Variants in ADAMTS6 observed in about 807,000 individuals in gnomAD.
ADAMTS6 encodes the protein A disintegrin and metalloproteinase with thrombospondin motifs 6.
Under a neutral mutation model 144.3 loss-of-function variants are expected in ADAMTS6, and 23 were observed. That is an observed-to-expected ratio of 0.16 (90% CI 0.11 to 0.23). The LOEUF (loss-of-function observed/expected upper bound fraction) is 0.23. ADAMTS6 is among the 10% of genes least tolerant of loss of function. The pLI, the probability that ADAMTS6 is intolerant of heterozygous loss-of-function variation, is 1.00. For synonymous variants in ADAMTS6, 444 were observed against 457.5 expected, an observed-to-expected ratio of 0.97 and a Z score of 0.38; for missense variants, 999 against 1,379.6, an observed-to-expected ratio of 0.72 and a Z score of 4.37.
chr5:65,299,854 G>C, intron 10 of ADAMTS6, 131 bp downstream of exon 10: 1 of 984,244 alleles, frequency 1.0e-6, no homozygotes, highest in Non-Finnish European at 1.4e-6. Context: ...AAAGTATTTA[G>C]GAAAAAGTTG....
intron 7 of ADAMTS6, among the ~76,000 whole-genome samples, chr5:65,397,213 C>A (rs888091240): frequency 6.6e-6 from 1 of 151,978 alleles, no homozygotes; most frequent in African/African-American, 2.4e-5. Flanking sequence ...TAGTAATCTG[C>A]GTCTTTTTTT....
intron 13 of ADAMTS6, among the ~76,000 whole-genome samples, chr5:65,261,376 TTGAG>T (rs1316172135): frequency 1.3e-5 from 2 of 152,182 alleles, no homozygotes; most frequent in Non-Finnish European, 2.9e-5. Flanking sequence ...CATACTACCA[TTGAG>T]TGATAAAAAC....
chr5:65,334,199 G>A (rs112564727), intron 7 of ADAMTS6, 114 bp from the exon 8 acceptor site: 34 of 1,180,558 alleles, frequency 2.9e-5, no homozygotes. Context: ...GCAATTATGA[G>A]CAATCAACTG....
At chr5:65,187,306 A>T (rs578077041) in intron 22 of ADAMTS6, among the ~76,000 whole-genome samples, 1 of 152,214 alleles carries the variant, frequency 6.6e-6, no homozygotes, top group Non-Finnish European at 1.5e-5. Context: ...TCATAAGATA[A>T]TTTTTCTGAG....
intron 7 of ADAMTS6, among the ~76,000 whole-genome samples, chr5:65,449,477 A>G (rs1758568822): frequency 6.6e-6 from 1 of 151,972 alleles, no homozygotes; most frequent in African/African-American, 2.4e-5. Context: ...TCAGCTGGGC[A>G]TGGTGGCACG....
At chr5:65,414,457 C>T (rs1430784008) in intron 7 of ADAMTS6, among the ~76,000 whole-genome samples, 1 of 151,984 alleles carries the variant, frequency 6.6e-6, no homozygotes, top group Non-Finnish European at 1.5e-5. Flanking sequence ...TTTTGCCCCC[C>T]TACACTAAAT....
chr5:65,302,361 T>C (rs1447139351), intron 9 of ADAMTS6, among the ~76,000 whole-genome samples: 6 of 146,380 alleles, frequency 4.1e-5, no homozygotes, highest in Admixed American at 2.8e-4. Context: ...GTATTATATG[T>C]TATATGTAAA....
intron 4 of ADAMTS6, among the ~76,000 whole-genome samples, chr5:65,458,099 A>T (rs989610514): frequency 1.3e-5 from 2 of 152,166 alleles, no homozygotes; most frequent in Non-Finnish European, 2.9e-5. Flanking sequence ...AGATAAACTT[A>T]TTTCCATAAT....
intron 12 of ADAMTS6, 75 bp downstream of exon 12, chr5:65,273,265 G>C (rs1245242397): frequency 1.9e-5 from 23 of 1,233,220 alleles, no homozygotes; most frequent in Non-Finnish European, 2.5e-5. Context: ...AAGACTTCCT[G>C]GTGGTTGAAT....
chr5:65,286,553 C>G (rs1741686696), intron 11 of ADAMTS6, among the ~76,000 whole-genome samples: 1 of 152,176 alleles, frequency 6.6e-6, no homozygotes, highest in Non-Finnish European at 1.5e-5. Flanking sequence ...ATAAACAAAG[C>G]TATGATGTCT....
At chr5:65,193,657 G>C (rs1172500215) in intron 21 of ADAMTS6, among the ~76,000 whole-genome samples, 1 of 152,100 alleles carries the variant, frequency 6.6e-6, no homozygotes, top group Non-Finnish European at 1.5e-5. Flanking sequence ...AATCTTTCTG[G>C]AAAGTAATTG....
chr5:65,252,367 G>A (rs1011801628), intron 14 of ADAMTS6, among the ~76,000 whole-genome samples: 6 of 150,076 alleles, frequency 4.0e-5, no homozygotes, highest in African/African-American at 1.5e-4. Context: ...TCAGCCTCCC[G>A]AGTAGCTGGG....
At chr5:65,350,622 T>C (rs1748767126) in intron 7 of ADAMTS6, among the ~76,000 whole-genome samples, 1 of 152,134 alleles carries the variant, frequency 6.6e-6, no homozygotes, top group Non-Finnish European at 1.5e-5. Flanking sequence ...CTAATGCCAA[T>C]ACTTTACTAT....
At chr5:65,227,283 T>C (rs530479684) in intron 15 of ADAMTS6, among the ~76,000 whole-genome samples, 1 of 152,276 alleles carries the variant, frequency 6.6e-6, no homozygotes, top group South Asian at 2.1e-4. Context: ...TTTTTAAGGC[T>C]GAAGTTAAAA....
intron 7 of ADAMTS6, among the ~76,000 whole-genome samples, chr5:65,423,805 A>G (rs1289722876): frequency 1.3e-5 from 2 of 152,192 alleles, no homozygotes; most frequent in African/African-American, 4.8e-5. Context: ...CATTTTGCCT[A>G]CTATGCATTT....
chr5:65,309,611 C>CAA (rs1381557714), intron 9 of ADAMTS6, among the ~76,000 whole-genome samples: 3 of 152,126 alleles, frequency 2.0e-5, no homozygotes, highest in Non-Finnish European at 2.9e-5. Flanking sequence ...CACACACACA[C>CAA]ACACACAGAA....
In ADAMTS6 at chr5:65,214,324, C is replaced by G; in HGVS notation, c.2575+470G>C. ...AGCATCCCAGTATACAGCCCCTTAA[C>G]TTTGATGGCAGGAGAAGGGAGTTTG... On this transcript the variant is annotated intron_variant, in intron 20 of 24. Coordinates refer to ENST00000381055, the MANE Select transcript of ADAMTS6 (RefSeq NM_197941.4). This position sits in a 1 kb window ranked among gnomAD's most constrained non-coding sequence, Gnocchi z 4.6. The G allele has an allele frequency of 3.2e-6, 1 of 312,450 alleles. No individual in the cohort carries two copies. 19.4% of individuals were successfully genotyped at this position (312,450 alleles called of 1,614,324 possible).
intron 15 of ADAMTS6, among the ~76,000 whole-genome samples, chr5:65,237,240 A>G (rs1043130508): frequency 1.3e-5 from 2 of 151,904 alleles, no homozygotes; most frequent in Non-Finnish European, 2.9e-5. Flanking sequence ...ATAAAAATAA[A>G]AATTAAAAAT....
rs555671286 is a variant in ADAMTS6, at chr5:65,331,009, C to T, written c.1118-1526G>A. On this transcript the variant is annotated intron_variant, in intron 8 of 24. Coordinates refer to ENST00000381055, the MANE Select transcript of ADAMTS6 (RefSeq NM_197941.4). ...ACTGAGAGAAAGAGACAGACACACA[C>T]AGTGAATTTTACTTTTATTTTGAGA... Among the ~76,000 whole-genome samples the T allele has an allele frequency of 2.0e-5, 3 of 151,856 alleles. No homozygotes were observed. The South Asian group carries it at 6.3e-4, about 32-fold the overall frequency.
Sources: allele counts gnomAD v4.1 joint callset (sites outside exome capture counted in the v4.1 genomes callset), GRCh38; gene constraint gnomAD v4.1.1; non-coding constraint Gnocchi (gnomAD v3.1); transcripts MANE v1.5; gene names NCBI Gene and HGNC (gene_info 2026-07-23, HGNC 2026-07-21).